The following PPP2R2B variants were observed in gnomAD, a reference collection of about 807,000 sequenced individuals.
PPP2R2B encodes protein phosphatase 2 regulatory subunit Bbeta.
PPP2R2B carries 5 observed loss-of-function variants against 46.0 expected under a neutral mutation model. The observed-to-expected ratio is 0.11, with a 90% CI of 0.06 to 0.23. PPP2R2B has a LOEUF of 0.23. Among genes scored for constraint, PPP2R2B ranks in the 10% least tolerant of loss-of-function variants. The probability of loss-of-function intolerance (pLI) is 1.00; values close to 1 mark genes in which losing one functional copy is unlikely to be tolerated. For missense variants in PPP2R2B, 367 were observed against 575.0 expected (o/e 0.64, Z 3.70); for synonymous variants, 215 against 206.7 (o/e 1.04, Z -0.34).
At chr5:146,917,539 A>G (rs561274524) in intron 1 of PPP2R2B, among the ~76,000 whole-genome samples, 5 of 152,218 alleles carry the variant, frequency 3.3e-5, no homozygotes, top group Non-Finnish European at 7.3e-5. Context: ...ATTTATATAG[A>G]GGTTCAAAGT....
chr5:146,792,116 A>G (rs1429274609), intron 2 of PPP2R2B, among the ~76,000 whole-genome samples: 1 of 152,212 alleles, frequency 6.6e-6, no homozygotes, highest in Admixed American at 6.5e-5. Flanking sequence ...CTACATAGAA[A>G]GCAGAGGACA....
In PPP2R2B at chr5:146,683,990, C is replaced by T. The variant is rs536704852; in HGVS notation, c.447+7138G>A. On this transcript the variant is annotated intron_variant, in intron 5 of 9. Coordinates refer to ENST00000394411, the MANE Select transcript of PPP2R2B (RefSeq NM_181675.4). ...CCGAGGCAGGATGGGGAGGATAGAG[C>T]GAAGGTTGAGAAATTACCCATACTA... 6.4e-4 allele frequency among the ~76,000 whole-genome samples: 98 copies of T among 152,148 alleles called. 1 individual carries two copies. The highest frequency in any genetic ancestry group is 2.2e-3 in the African/African-American group (93 of 41,500).
chr5:146,942,737 T>C (rs1451097663), intron 1 of PPP2R2B, among the ~76,000 whole-genome samples: 1 of 152,168 alleles, frequency 6.6e-6, no homozygotes, highest in Non-Finnish European at 1.5e-5. Context: ...TATTTCTATG[T>C]TCTCCTATGT....
intron 2 of PPP2R2B, among the ~76,000 whole-genome samples, chr5:146,847,412 T>C (rs1373566273): frequency 6.6e-6 from 1 of 152,246 alleles, no homozygotes; most frequent in Non-Finnish European, 1.5e-5. Context: ...TTTTGGATTT[T>C]GCTCCTTTTA....
At chr5:146,680,312 G>A (rs1182733794) in intron 5 of PPP2R2B, among the ~76,000 whole-genome samples, 14 of 148,136 alleles carry the variant, frequency 9.5e-5, no homozygotes, top group South Asian at 2.1e-4. Flanking sequence ...ACCAAACACC[G>A]CATATTCTCA....
chr5:146,951,280 G>A (rs112853057), intron 1 of PPP2R2B, among the ~76,000 whole-genome samples: 16 of 151,810 alleles, frequency 1.1e-4, no homozygotes, highest in African/African-American at 3.4e-4. Context: ...TTATACCCAT[G>A]TAACCAGTAA....
At chr5:146,711,629 T>C (rs1008500422) in intron 2 of PPP2R2B, among the ~76,000 whole-genome samples, 2 of 151,988 alleles carry the variant, frequency 1.3e-5, no homozygotes, top group Admixed American at 6.6e-5. Context: ...ATGGAGGTGG[T>C]AATAAGAAAG....
At chr5:146,644,186 CA>C (rs1215773575) in intron 6 of PPP2R2B, among the ~76,000 whole-genome samples, 3 of 71,320 alleles carry the variant, frequency 4.2e-5, no homozygotes, top group Non-Finnish European at 8.0e-5. Context: ...TATCGTAATG[CA>C]AAAAAAAGTG....
At chr5:147,038,329 A>G (rs1580840626) in intron 1 of PPP2R2B, among the ~76,000 whole-genome samples, 1 of 152,160 alleles carries the variant, frequency 6.6e-6, no homozygotes, top group Non-Finnish European at 1.5e-5. Context: ...GGAAAGGAGA[A>G]CGAGTTTGAT....
rs58393815 is a variant in PPP2R2B, at chr5:147,079,445, C to CATATATATATAT, written c.50+1602_50+1613dup. Among the ~76,000 whole-genome samples the CATATATATATAT allele has an allele frequency of 1.6e-3, 208 of 132,282 alleles. 2 individuals are homozygous for CATATATATATAT. Among genetic ancestry groups the CATATATATATAT allele is most frequent in the East Asian group, 9.4e-3 (43 of 4,566 alleles). The allele number at this position is 132,282 out of a possible 152,430, so 86.8% of individuals were successfully genotyped here. A position where few individuals can be genotyped will look rare whatever the true frequency, so the allele number is the denominator to read the frequency against. On this transcript the variant is annotated intron_variant, in intron 2 of 10. Transcript: ENST00000394413. ...AACACACACACATTTTATATATATA[C>CATATATATATAT]ATATATATATATATATATATATATA...
chr5:146,767,213 T>C (rs1465732858), intron 2 of PPP2R2B, among the ~76,000 whole-genome samples: 1 of 152,102 alleles, frequency 6.6e-6, no homozygotes, highest in Non-Finnish European at 1.5e-5. Context: ...AAGTGGCTCA[T>C]ATCCTTCAAA....
At chr5:146,966,176 C>T (rs980326708) in intron 1 of PPP2R2B, among the ~76,000 whole-genome samples, 3 of 152,066 alleles carry the variant, frequency 2.0e-5, no homozygotes, top group East Asian at 3.8e-4. Flanking sequence ...TGGCTGCCTG[C>T]GATATTAGTG....
rs186026988 is a variant in PPP2R2B, at chr5:147,002,055, C to A, written c.79+53610G>T. On this transcript the variant is annotated intron_variant, in intron 1 of 8. Coordinates refer to the PPP2R2B transcript ENST00000336640. ...CTATCCTGACCCTTGCCTCCTGGGT[C>A]CTAATGCCTGTCAAACTTCCTCTTG... Among the ~76,000 whole-genome samples, 767 of 152,256 alleles carry A rather than the reference C, an allele frequency of 5.0e-3. 3 individuals carry two copies. Among genetic ancestry groups the A allele is most frequent in the African/African-American group, 0.018 (728 of 41,548 alleles).
chr5:146,734,367 A>C (rs1752416458), intron 2 of PPP2R2B, among the ~76,000 whole-genome samples: 2 of 152,048 alleles, frequency 1.3e-5, no homozygotes, highest in South Asian at 4.2e-4. Flanking sequence ...TTTTTAACAG[A>C]TGGAGAAACT....
intron 2 of PPP2R2B, among the ~76,000 whole-genome samples, chr5:146,781,168 A>G (rs1755500505): frequency 8.9e-6 from 1 of 112,682 alleles, no homozygotes; most frequent in Admixed American, 9.1e-5. Context: ...ATATATATAT[A>G]TATATATAAA....
intron 2 of PPP2R2B, among the ~76,000 whole-genome samples, chr5:146,822,534 G>GTTTTTTTTTTTT (rs1561935089): frequency 1.5e-5 from 2 of 133,922 alleles, no homozygotes; most frequent in Non-Finnish European, 3.2e-5. Context: ...CTTCATTTTT[G>GTTTTTTTTTTTT]GTTTTTTTTT....
chr5:146,629,834 C>G (rs1774311191), intron 7 of PPP2R2B, among the ~76,000 whole-genome samples: 1 of 151,634 alleles, frequency 6.6e-6, no homozygotes, highest in Non-Finnish European at 1.5e-5. Flanking sequence ...TCTCCCTTGC[C>G]CTCTCGTCTT....
At chr5:146,966,754 A>G (rs1268417170) in intron 1 of PPP2R2B, among the ~76,000 whole-genome samples, 1 of 152,166 alleles carries the variant, frequency 6.6e-6, no homozygotes, top group Non-Finnish European at 1.5e-5. Flanking sequence ...ATAGCATAAA[A>G]AATCAATGAC....
chr5:146,628,801 C>T (rs1005119902), intron 7 of PPP2R2B, among the ~76,000 whole-genome samples: 1 of 152,196 alleles, frequency 6.6e-6, no homozygotes, highest in Non-Finnish European at 1.5e-5. Flanking sequence ...CTTCCATAAG[C>T]CCACATCCCA....
Sources: allele counts gnomAD v4.1 joint callset (sites outside exome capture counted in the v4.1 genomes callset), GRCh38; gene constraint gnomAD v4.1.1; transcripts MANE v1.5; gene names NCBI Gene and HGNC (gene_info 2026-07-23, HGNC 2026-07-21).